PSD3: variants seen among roughly 807,000 people sequenced by gnomAD.
PSD3 encodes pleckstrin and Sec7 domain containing 3.
PSD3 carries 49 observed loss-of-function variants against 105.5 expected under a neutral mutation model. That is an observed-to-expected ratio of 0.46 (90% confidence interval 0.37 to 0.59). PSD3 has a LOEUF of 0.59. Among genes scored for constraint, PSD3 ranks in the 20% least tolerant of loss-of-function variants. PSD3 has a pLI of 0.00. For missense variants in PSD3, 1,561 were observed against 1,263.8 expected, an observed-to-expected ratio of 1.24 and a Z score of -3.57; for synonymous variants, 557 against 457.8, an observed-to-expected ratio of 1.22 and a Z score of -2.77.
intron 6 of PSD3, chr8:18,803,210 C>A (rs2632845): frequency 1.4e-5 from 3 of 209,486 alleles, no homozygotes; most frequent in Admixed American, 4.9e-5. Flanking sequence ...CTGCTTGAAC[C>A]TGGGAGGTGG....
At chr8:18,805,165 T>C (rs542815957) in intron 4 of PSD3, among the ~76,000 whole-genome samples, 3 of 152,202 alleles carry the variant, frequency 2.0e-5, no homozygotes, top group Non-Finnish European at 2.9e-5. Context: ...CTTTCACTTA[T>C]GTGGGTTATA....
intron 1 of PSD3, among the ~76,000 whole-genome samples, chr8:19,075,521 G>A (rs916984091): frequency 1.3e-5 from 2 of 152,218 alleles, no homozygotes; most frequent in African/African-American, 4.8e-5. Flanking sequence ...CTCAGGAGAA[G>A]TCCAAAACTC....
At chr8:18,573,538 A>C (rs73211716) in intron 13 of PSD3, among the ~76,000 whole-genome samples, 1 of 148,548 alleles carries the variant, frequency 6.7e-6, no homozygotes, top group Non-Finnish European at 1.5e-5. Flanking sequence ...TCCTGAGTCA[A>C]AAAAGGGAAA....
intron 10 of PSD3, among the ~76,000 whole-genome samples, chr8:18,643,062 C>G (rs1465041876): frequency 6.6e-6 from 1 of 152,196 alleles, no homozygotes; most frequent in Non-Finnish European, 1.5e-5. Context: ...CAGAATTCCA[C>G]TGGCTGAGGA....
intron 1 of PSD3, among the ~76,000 whole-genome samples, chr8:19,069,617 G>A (rs1829187455): frequency 6.6e-6 from 1 of 152,192 alleles, no homozygotes; most frequent in Non-Finnish European, 1.5e-5. Context: ...CTACGATTTA[G>A]TGAGAACGTT....
intron 1 of PSD3, among the ~76,000 whole-genome samples, chr8:19,049,690 C>CAAA (rs10584051): frequency 4.7e-5 from 3 of 64,348 alleles, no homozygotes; most frequent in African/African-American, 1.5e-4. Context: ...GACCCTGTCT[C>CAAA]AAAAAAAAAA....
Position 18,836,418 on chromosome 8 carries a change from T to C in PSD3, c.1634+31256A>G, listed in dbSNP as rs896879309. On this transcript the variant is annotated intron_variant, in intron 4 of 15. Transcript: ENST00000327040. ...GACATTAACTTATGTGGATTTTATT[T>C]ATCTGTGCACATGCAAACTCAAACA... Among the ~76,000 whole-genome samples, 4 of 152,238 alleles carry C rather than the reference T, an allele frequency of 2.6e-5. No individual in the cohort carries two copies. The East Asian group carries it at 5.8e-4, about 22-fold the overall frequency.
At chr8:18,735,618 T>C (rs1158791807) in intron 9 of PSD3, among the ~76,000 whole-genome samples, 2 of 152,214 alleles carry the variant, frequency 1.3e-5, no homozygotes, top group Admixed American at 1.3e-4. Context: ...GCATGGTTTT[T>C]ACTGGCAACC....
chr8:18,564,749 G>A (rs1585252533), intron 14 of PSD3, among the ~76,000 whole-genome samples: 1 of 151,992 alleles, frequency 6.6e-6, no homozygotes, highest in South Asian at 2.1e-4. Context: ...CTCCTCCCCT[G>A]AAATCCCACT....
intron 11 of PSD3, among the ~76,000 whole-genome samples, chr8:18,616,884 A>G (rs947347089): frequency 6.6e-6 from 1 of 151,516 alleles, no homozygotes; most frequent in Non-Finnish European, 1.5e-5. Context: ...CGGCCTCCCA[A>G]AGTGCTGGGA....
intron 9 of PSD3, among the ~76,000 whole-genome samples, chr8:18,743,726 C>T (rs1402306665): frequency 6.7e-6 from 1 of 150,206 alleles, no homozygotes; most frequent in Non-Finnish European, 1.5e-5. Context: ...TACTTGAGGC[C>T]AGGAATTTGA....
At chr8:18,588,297 T>C (rs1466047025) in intron 12 of PSD3, among the ~76,000 whole-genome samples, 1 of 152,156 alleles carries the variant, frequency 6.6e-6, no homozygotes, top group Non-Finnish European at 1.5e-5. Context: ...CAGGTAGATA[T>C]AGCCATACAA....
chr8:19,019,989 T>C (rs1198384241), intron 1 of PSD3, among the ~76,000 whole-genome samples: 1 of 152,202 alleles, frequency 6.6e-6, no homozygotes, highest in Non-Finnish European at 1.5e-5. Flanking sequence ...TCAGCTCACC[T>C]TTCCCCCAAG....
rs141609113 is a variant in PSD3 at position 18,593,057 on chromosome 8, G to A, written c.2481+7307C>T. The stretch of plus-strand genomic sequence containing the variant: ...CTAGGCAATACCATTCAGGACATAG[G>A]CACGGGCAAGGACTTCATGTCTAAA... On this transcript the variant is annotated intron_variant, in intron 12 of 15. Coordinates refer to ENST00000327040, the MANE Select transcript of PSD3 (RefSeq NM_015310.4). Among the ~76,000 whole-genome samples, 1,111 of 152,242 alleles carry A rather than the reference G, an allele frequency of 7.3e-3. 16 individuals carry two copies. The highest frequency in any genetic ancestry group is 0.025 in the African/African-American group (1,022 of 41,520).
intron 4 of PSD3, among the ~76,000 whole-genome samples, chr8:18,863,291 C>A (rs144650552): frequency 1.3e-5 from 2 of 152,150 alleles, no homozygotes; most frequent in Non-Finnish European, 2.9e-5. Flanking sequence ...AGCCGGCGAG[C>A]GAGAAGCACT....
intron 11 of PSD3, 77 bp from the exon 12 acceptor site, chr8:18,600,511 G>A: frequency 8.3e-7 from 1 of 1,212,026 alleles, no homozygotes; most frequent in East Asian, 2.4e-5. Context: ...TCAACATGGT[G>A]ACAGTGTTTC....
chr8:18,846,725 G>A (rs368687221), intron 4 of PSD3, among the ~76,000 whole-genome samples: 3 of 152,146 alleles, frequency 2.0e-5, no homozygotes, highest in Non-Finnish European at 4.4e-5. Flanking sequence ...CACGGGAGGC[G>A]CCGGCAAAAC....
intron 1 of PSD3, among the ~76,000 whole-genome samples, chr8:19,052,782 C>G (rs1828578198): frequency 7.8e-6 from 1 of 128,336 alleles, no homozygotes; most frequent in Admixed American, 8.1e-5. Flanking sequence ...GCCCCCTAAG[C>G]TGTGGGTGGG....
At position 18,843,319 on chromosome 8, in the gene PSD3, C is replaced by G. The variant is rs568923810; in HGVS notation, c.1634+24355G>C. ...GAGCTTGCAGTGAGCCGAGATCGCA[C>G]GAGACTCCGTCTCAAAAAAAAAAAA... On this transcript the variant is annotated intron_variant, in intron 4 of 15. Transcript: ENST00000327040. 1.8e-4 allele frequency among the ~76,000 whole-genome samples: 25 copies of G among 140,340 alleles called. No homozygotes were observed. The South Asian group carries it at 2.0e-3, about 11-fold the overall frequency. The allele number at this position is 140,340 out of a possible 152,430, so 92.1% of individuals were successfully genotyped here.
Sources: allele counts gnomAD v4.1 joint callset (sites outside exome capture counted in the v4.1 genomes callset), GRCh38; gene constraint gnomAD v4.1.1; transcripts MANE v1.5; gene names NCBI Gene and HGNC (gene_info 2026-07-23, HGNC 2026-07-21).